IFT80: variants seen among roughly 807,000 people sequenced by gnomAD.
The protein encoded by IFT80 is intraflagellar transport protein 80 homolog.
A neutral mutation model predicts 107.9 loss-of-function variants in IFT80; 79 were observed. That is an observed-to-expected ratio of 0.73 (90% CI 0.61 to 0.88). IFT80 has a LOEUF of 0.88. Ranked by LOEUF, IFT80 falls within the 40% of genes least tolerant of loss-of-function variation. The probability of loss-of-function intolerance (pLI) is 0.00; values close to 1 mark genes in which losing one functional copy is unlikely to be tolerated. For synonymous variants in IFT80, 299 were observed against 300.9 expected, an observed-to-expected ratio of 0.99 and a Z score of 0.07; for missense variants, 797 against 914.2, an observed-to-expected ratio of 0.87 and a Z score of 1.65.
chr3:160,334,937 T>C (rs1398000141), intron 8 of IFT80, among the ~76,000 whole-genome samples: 1 of 151,990 alleles, frequency 6.6e-6, no homozygotes, highest in Non-Finnish European at 1.5e-5. Flanking sequence ...ATGTGGAAAA[T>C]ATTATTTAAA....
chr3:160,304,961 C>T (rs1192299540), intron 10 of IFT80, among the ~76,000 whole-genome samples: 2 of 152,064 alleles, frequency 1.3e-5, no homozygotes, highest in African/African-American at 4.8e-5. Context: ...ATTCTGTAAA[C>T]TCTAAAATAC....
chr3:160,306,129 T>C (rs1427971960), intron 10 of IFT80, among the ~76,000 whole-genome samples: 1 of 152,042 alleles, frequency 6.6e-6, no homozygotes, highest in African/African-American at 2.4e-5. Flanking sequence ...AATCTTGACA[T>C]CAAAAAGGGG....
At chr3:160,349,902 AAG>A (rs1463511367) in intron 8 of IFT80, among the ~76,000 whole-genome samples, 2 of 152,176 alleles carry the variant, frequency 1.3e-5, no homozygotes, top group African/African-American at 4.8e-5. Context: ...AGAAAAGGTG[AAG>A]AGTCTCAATA....
At chr3:160,259,076 C>T (rs897190440) in intron 19 of IFT80, among the ~76,000 whole-genome samples, 1 of 152,086 alleles carries the variant, frequency 6.6e-6, no homozygotes, top group Non-Finnish European at 1.5e-5. Flanking sequence ...CCATTGCACT[C>T]CAGCCTGGGT....
At chr3:160,370,708 A>T (rs1278476749) in intron 5 of IFT80, among the ~76,000 whole-genome samples, 1 of 152,152 alleles carries the variant, frequency 6.6e-6, no homozygotes, top group Non-Finnish European at 1.5e-5. Flanking sequence ...ACTTGATCCA[A>T]AGAGATCTCC....
chr3:160,315,548 T>C (rs185742652), intron 9 of IFT80, among the ~76,000 whole-genome samples: 1 of 152,330 alleles, frequency 6.6e-6, no homozygotes, highest in African/African-American at 2.4e-5. Flanking sequence ...AAGCTTACCC[T>C]TTCCCTTTGA....
At chr3:160,276,449 AGGG>A (rs945228051) in intron 18 of IFT80, among the ~76,000 whole-genome samples, 2 of 152,184 alleles carry the variant, frequency 1.3e-5, no homozygotes, top group African/African-American at 4.8e-5. Context: ...TGACAGATAC[AGGG>A]GTTATTTTTC....
intron 13 of IFT80, among the ~76,000 whole-genome samples, chr3:160,284,259 A>T (rs1193231525): frequency 1.3e-5 from 2 of 152,068 alleles, no homozygotes; most frequent in Non-Finnish European, 2.9e-5. Context: ...CACTTAGGAA[A>T]AGTGTTATAG....
At chr3:160,346,142 G>C (rs898246418) in intron 8 of IFT80, among the ~76,000 whole-genome samples, 1 of 152,162 alleles carries the variant, frequency 6.6e-6, no homozygotes, top group African/African-American at 2.4e-5. Context: ...GCTGATCAAA[G>C]GGTATAAAGT....
chr3:160,374,833 C>A (rs1428242567), intron 5 of IFT80, among the ~76,000 whole-genome samples: 1 of 152,150 alleles, frequency 6.6e-6, no homozygotes, highest in African/African-American at 2.4e-5. Flanking sequence ...CTGAAACTTA[C>A]CCACGGCTAC....
At chr3:160,360,164 A>C (rs1417690259) in intron 6 of IFT80, among the ~76,000 whole-genome samples, 1 of 152,206 alleles carries the variant, frequency 6.6e-6, no homozygotes, top group African/African-American at 2.4e-5. Flanking sequence ...ACCTTAAATG[A>C]CCTGATGGAA....
intron 3 of IFT80, among the ~76,000 whole-genome samples, chr3:160,380,780 A>T (rs1712421343): frequency 6.6e-6 from 1 of 152,214 alleles, no homozygotes; most frequent in African/African-American, 2.4e-5. Context: ...CAACTCTGTA[A>T]CTGAAAATTA....
intron 11 of IFT80, among the ~76,000 whole-genome samples, chr3:160,302,742 A>G (rs1481270291): frequency 1.4e-4 from 22 of 152,128 alleles, no homozygotes; most frequent in Admixed American, 1.4e-3. Context: ...AATGACAAAA[A>G]TGACTTATTT....
chr3:160,304,043 T>C (rs1716642288), intron 10 of IFT80, 54 bp from the exon 11 acceptor site: 1 of 1,141,104 alleles, frequency 8.8e-7, no homozygotes, highest in Non-Finnish European at 1.3e-6. Flanking sequence ...CAAATACTTT[T>C]AAATAAGTAG....
chr3:160,384,968 TC>T (rs1375817409), intron 1 of IFT80, among the ~76,000 whole-genome samples: 1 of 152,202 alleles, frequency 6.6e-6, no homozygotes, highest in African/African-American at 2.4e-5. Flanking sequence ...TGGGAACTCT[TC>T]AATTGCAAAT....
chr3:160,340,344 G>A (rs1719806447), intron 8 of IFT80, among the ~76,000 whole-genome samples: 1 of 152,124 alleles, frequency 6.6e-6, no homozygotes, highest in South Asian at 2.1e-4. Flanking sequence ...TATTAGTGCT[G>A]TAACAAATTA....
In IFT80 at chr3:160,319,918, G is replaced by A. The variant is rs745579749; in HGVS notation, c.799C>T (p.Pro267Ser). The A allele has an allele frequency of 3.7e-6, 6 of 1,611,338 alleles. No homozygotes were observed. The East Asian group carries it at 1.3e-4, about 36-fold the overall frequency. Reference protein sequence around the residue: ...KTGWSYALEKPNTGSIFNIAW... With the variant: ...KTGWSYALEKSNTGSIFNIAW... ...ATATTAAATATGCTGCCAGTGTTGG[G>A]TTTTTCTAATGCATATGACCACTGG... The change falls in exon 9 of 20, where the codon CCC becomes TCC. Residue 267 changes from proline (P) to serine (S), a missense_variant. Transcript: ENST00000326448.
At chr3:160,383,154 G>A (rs879228202) in intron 2 of IFT80, among the ~76,000 whole-genome samples, 3 of 152,128 alleles carry the variant, frequency 2.0e-5, no homozygotes, top group Admixed American at 1.3e-4. Flanking sequence ...CATGCCAGAC[G>A]TCCATGACAT....
chr3:160,359,386 G>T (rs910823002), intron 6 of IFT80, among the ~76,000 whole-genome samples: 1 of 152,290 alleles, frequency 6.6e-6, no homozygotes, highest in Middle Eastern at 3.4e-3. Flanking sequence ...TTCCAAGATG[G>T]CTGAATAGGA....
Sources: gnomAD v4.1 joint callset for allele counts (sites outside exome capture counted in the v4.1 genomes callset) on GRCh38, gnomAD v4.1.1 for gene constraint, MANE v1.5 for transcripts, NCBI Gene and HGNC (gene_info 2026-07-23, HGNC 2026-07-21) for gene names.